ARMH3: variants seen among roughly 807,000 people sequenced by gnomAD.
ARMH3 encodes armadillo-like helical domain-containing protein 3.
In ARMH3, 60 loss-of-function variants were observed where a neutral mutation model predicts 99.1. That is an observed-to-expected ratio of 0.61 (90% CI 0.49 to 0.75). The LOEUF is 0.75. Among genes scored for constraint, ARMH3 ranks in the 30% least tolerant of loss-of-function variants. The pLI is 0.00. For synonymous variants in ARMH3, 285 were observed against 292.8 expected (o/e 0.97, Z 0.27); for missense variants, 679 against 843.1 (o/e 0.81, Z 2.41).
At chr10:101,909,510 C>T (rs1210541511) in intron 23 of ARMH3, among the ~76,000 whole-genome samples, 3 of 142,768 alleles carry the variant, frequency 2.1e-5, no homozygotes, top group African/African-American at 7.9e-5. Context: ...CACTCTGTCC[C>T]GAGGCTAGGG....
intron 20 of ARMH3, among the ~76,000 whole-genome samples, chr10:101,959,129 T>A (rs1845169921): frequency 6.6e-6 from 1 of 152,224 alleles, no homozygotes. Flanking sequence ...ATGGTGTCTG[T>A]TAAGTGATCA....
intron 2 of ARMH3, 170 bp from the exon 3 acceptor site, chr10:102,033,509 C>A (rs1323295402): frequency 5.4e-5 from 37 of 685,428 alleles, no homozygotes; most frequent in Admixed American, 1.3e-4. Flanking sequence ...GCTCCGCCCC[C>A]CAGGGTTCAC....
chr10:102,014,610 C>A (rs1013350639), intron 8 of ARMH3, among the ~76,000 whole-genome samples: 1 of 152,076 alleles, frequency 6.6e-6, no homozygotes, highest in Non-Finnish European at 1.5e-5. Context: ...AGATCTGATA[C>A]CCAAATAACA....
At chr10:101,871,377 T>TA (rs563725142) in intron 24 of ARMH3, among the ~76,000 whole-genome samples, 14 of 151,916 alleles carry the variant, frequency 9.2e-5, no homozygotes, top group African/African-American at 2.2e-4. Flanking sequence ...CAAAAACATT[T>TA]AAAAAAAACA....
intron 24 of ARMH3, among the ~76,000 whole-genome samples, chr10:101,875,571 C>T (rs768713564): frequency 1.3e-5 from 2 of 152,092 alleles, no homozygotes; most frequent in South Asian, 2.1e-4. Flanking sequence ...AGTTTCAGAC[C>T]CAATTTAAGC....
At chr10:101,966,907 A>C (rs1172518565) in intron 20 of ARMH3, among the ~76,000 whole-genome samples, 3 of 152,202 alleles carry the variant, frequency 2.0e-5, no homozygotes, top group Admixed American at 6.5e-5. Context: ...TGCCTCAAAA[A>C]AGGAGAGGGG....
At chr10:101,926,850 T>C (rs1038870966) in intron 23 of ARMH3, among the ~76,000 whole-genome samples, 3 of 152,144 alleles carry the variant, frequency 2.0e-5, no homozygotes, top group African/African-American at 7.2e-5. Flanking sequence ...GGATCAGGGA[T>C]AGTTATGCCA....
intron 19 of ARMH3, among the ~76,000 whole-genome samples, chr10:101,983,436 C>T (rs1215625368): frequency 6.6e-6 from 1 of 152,110 alleles, no homozygotes; most frequent in Non-Finnish European, 1.5e-5. Context: ...CACACACTAC[C>T]ACACCTAACT....
chr10:101,952,245 A>G (rs1016801233), intron 22 of ARMH3, among the ~76,000 whole-genome samples: 1 of 152,244 alleles, frequency 6.6e-6, no homozygotes, highest in African/African-American at 2.4e-5. Context: ...TAGTATCATC[A>G]GTGATAAGTC....
Position 101,847,551 on chromosome 10 carries a change from T to C in ARMH3, c.2047A>G (p.Lys683Glu). The C allele has an allele frequency of 1.2e-6, 2 of 1,614,114 alleles. No individual in the cohort carries two copies. The stretch of plus-strand genomic sequence containing the variant: ...CCTCAGGAGATAGTGGAGAACTCCT[T>C]GAGCAGGACTTCTTGGCTGAGTGTG... ...FHTLSQEVLL[K>E]EFSTIS Residue 683 changes from lysine to glutamate, a missense_variant, in exon 26 of 26, where the codon AAG (lysine) becomes GAG (glutamate). By Grantham distance (56) the Lys-to-Glu change is moderately conservative. Around this residue, in one of 3 missense-constraint regions of ARMH3, gnomAD observed 389 missense variants for 456.5 expected, o/e 0.85. Coordinates refer to ENST00000370033, the MANE Select transcript of ARMH3 (RefSeq NM_024541.3).
intron 23 of ARMH3, among the ~76,000 whole-genome samples, chr10:101,916,234 CTA>C (rs1477434408): frequency 3.9e-5 from 6 of 152,260 alleles, no homozygotes; most frequent in Non-Finnish European, 7.4e-5. Flanking sequence ...GGGAAATGAT[CTA>C]TGTCTGATGG....
intron 13 of ARMH3, among the ~76,000 whole-genome samples, chr10:102,007,287 A>G (rs2066520654): frequency 3.3e-5 from 5 of 151,752 alleles, no homozygotes; most frequent in Admixed American, 2.6e-4. Context: ...ATTTATCTTA[A>G]GCAACTAGGT....
intron 20 of ARMH3, among the ~76,000 whole-genome samples, chr10:101,966,986 G>A (rs1845571346): frequency 6.6e-6 from 1 of 152,188 alleles, no homozygotes; most frequent in African/African-American, 2.4e-5. Context: ...ACAGCCTCCA[G>A]GAGAGCACAA....
At chr10:101,876,763 G>T (rs1178357976) in intron 24 of ARMH3, among the ~76,000 whole-genome samples, 1 of 152,026 alleles carries the variant, frequency 6.6e-6, no homozygotes, top group African/African-American at 2.4e-5. Context: ...GAAACAAAAA[G>T]AACTTCCCCA....
intron 23 of ARMH3, among the ~76,000 whole-genome samples, chr10:101,923,456 A>G (rs10786655): frequency 0.32 from 49,141 of 152,042 alleles, 8,153 homozygotes; most frequent in East Asian, 0.54. Flanking sequence ...AGAAATGCAC[A>G]CACTAGCAAG....
intron 24 of ARMH3, among the ~76,000 whole-genome samples, chr10:101,852,236 C>A (rs1159502679): frequency 6.6e-6 from 1 of 152,222 alleles, no homozygotes; most frequent in Non-Finnish European, 1.5e-5. Flanking sequence ...GAAGAGATGG[C>A]TGAACCTTCT....
chr10:101,915,800 CTTTT>C (rs781162716), intron 23 of ARMH3, among the ~76,000 whole-genome samples: 1 of 130,852 alleles, frequency 7.6e-6, no homozygotes, highest in Non-Finnish European at 1.6e-5. Flanking sequence ...ATTGCAAGTC[CTTTT>C]TTTTTTTTTT....
At chr10:101,866,431 C>T (rs911278560) in intron 24 of ARMH3, among the ~76,000 whole-genome samples, 2 of 148,442 alleles carry the variant, frequency 1.3e-5, no homozygotes, top group African/African-American at 2.5e-5. Context: ...AGGTCTGCAG[C>T]TGCAGTCACT....
chr10:102,003,894 G>A (rs1281703267), intron 14 of ARMH3, among the ~76,000 whole-genome samples: 2 of 152,080 alleles, frequency 1.3e-5, no homozygotes, highest in Non-Finnish European at 2.9e-5. Flanking sequence ...AATACTAAAA[G>A]GTTTTAATTC....
Sources: gnomAD v4.1 joint callset for allele counts (sites outside exome capture counted in the v4.1 genomes callset) on GRCh38, gnomAD v4.1.1 for gene constraint, gnomAD v4.1.1 regional missense constraint, MANE v1.5 for transcripts, NCBI Gene and HGNC (gene_info 2026-07-23, HGNC 2026-07-21) for gene names.